Variants in MEF2C observed in about 807,000 individuals in gnomAD.
The protein encoded by MEF2C is myocyte enhancer factor 2C, also known as myocyte-specific enhancer factor 2C.
Under a neutral mutation model 50.5 loss-of-function variants are expected in MEF2C, and 6 were observed. The ratio of observed to expected loss-of-function variants is 0.12; its 90% CI spans 0.07 to 0.23. The LOEUF is 0.23. MEF2C is among the 10% of genes least tolerant of loss of function. MEF2C has a pLI of 1.00. For synonymous variants in MEF2C, 183 were observed against 228.0 expected, an observed-to-expected ratio of 0.80 and a Z score of 1.78; for missense variants, 276 against 605.0, an observed-to-expected ratio of 0.46 and a Z score of 5.70.
At chr5:88,725,676 C>A (rs1758386957) in intron 10 of MEF2C, among the ~76,000 whole-genome samples, 1 of 152,024 alleles carries the variant, frequency 6.6e-6, no homozygotes, top group African/African-American at 2.4e-5. Context: ...AAACTCCTAC[C>A]CTTTCCCATA....
At chr5:88,749,985 G>C (rs1426639747) in intron 5 of MEF2C, 1 of 163,690 alleles carries the variant, frequency 6.1e-6, no homozygotes, top group Non-Finnish European at 1.3e-5. Context: ...AGCCGAGATG[G>C]TGCCACTGCA....
chr5:88,829,419 T>G (rs567012893), intron 1 of MEF2C, among the ~76,000 whole-genome samples: 1 of 152,114 alleles, frequency 6.6e-6, no homozygotes, highest in East Asian at 1.9e-4. Context: ...ACTGTATGTT[T>G]GCTTGTCTTC....
At chr5:88,840,456 A>T (rs1022561002) in intron 1 of MEF2C, among the ~76,000 whole-genome samples, 4 of 152,212 alleles carry the variant, frequency 2.6e-5, no homozygotes, top group African/African-American at 7.2e-5. Flanking sequence ...AAATATACAT[A>T]GTCCTTGAAA....
At chr5:88,751,222 T>C (rs1035898511) in intron 5 of MEF2C, 1 of 984,826 alleles carries the variant, frequency 1.0e-6, no homozygotes, top group African/African-American at 1.7e-5. Context: ...AAATAATTTA[T>C]TTTTCTCTTG....
rs373665733 is a variant in MEF2C, at chr5:88,750,982, A to G, written c.589+875T>C. The G allele has an allele frequency of 3.3e-4, 205 of 617,458 alleles. 3 individuals carry two copies. In the South Asian group the frequency reaches 0.013, roughly 41 times the overall value. The allele number at this position is 617,458 out of a possible 1,614,324, so 38.2% of individuals were successfully genotyped here. A position where few individuals can be genotyped will look rare whatever the true frequency, so the allele number is the denominator to read the frequency against. The stretch of plus-strand genomic sequence containing the variant: ...AATATATAATGGTTTGCTGTATGTG[A>G]CTTAGAAATACAATTATTTTTGATG... On this transcript the variant is annotated intron_variant, in intron 5 of 10. Coordinates refer to ENST00000504921, the MANE Select transcript of MEF2C (RefSeq NM_002397.5).
At position 88,731,904 on chromosome 5, in the gene MEF2C, G is replaced by T. The variant is rs779322451; in HGVS notation, c.638-3C>A. On this transcript the variant is annotated splice_polypyrimidine_tract_variant and splice_region_variant and intron_variant, in intron 6 of 10. Coordinates refer to ENST00000504921, the MANE Select transcript of MEF2C (RefSeq NM_002397.5). ...TCGGGGATTGCCATACCCGTTCCCT[G>T]TTAACAAAAAACAATAAAGCATTTA... 2 of 1,603,646 alleles carry T rather than the reference G, an allele frequency of 1.2e-6. No individual in the cohort carries two copies. Among genetic ancestry groups the T allele is most frequent in the Non-Finnish European group, 1.7e-6 (2 of 1,174,214 alleles).
chr5:88,865,412 T>C (rs1209515898), intron 1 of MEF2C, among the ~76,000 whole-genome samples: 1 of 152,166 alleles, frequency 6.6e-6, no homozygotes, highest in Admixed American at 6.5e-5. Flanking sequence ...TTAAAAAGGC[T>C]TTTGAAGTGC....
At chr5:88,775,872 T>TCC in intron 3 of MEF2C, 1 of 943,338 alleles carries the variant, frequency 1.1e-6, no homozygotes, top group East Asian at 1.2e-4. Flanking sequence ...TTTATTTTTT[T>TCC]ATCTCATTTT....
intron 1 of MEF2C, among the ~76,000 whole-genome samples, chr5:88,889,993 G>T (rs896133274): frequency 1.6e-4 from 25 of 152,186 alleles, no homozygotes; most frequent in African/African-American, 5.8e-4. Flanking sequence ...GAGCAAGAGG[G>T]GCTCTGCAGG....
Position 88,722,126 on chromosome 5 carries a change from T to TC in MEF2C, c.*477_*478insG. ...AGCATTCTTGGGATGTCAGGTGACCTGGTGTGTTCCTAACATTTACCAATG... is the reference window on the plus strand; with the variant it reads ...AGCATTCTTGGGATGTCAGGTGACCTCGGTGTGTTCCTAACATTTACCAATG... On this transcript the variant is annotated 3_prime_UTR_variant, in exon 11 of 11. Transcript: ENST00000504921. The TC allele has an allele frequency of 1.3e-5, 2 of 155,220 alleles. No homozygotes were observed. Among genetic ancestry groups the TC allele is most frequent in the Admixed American group, 6.3e-5 (1 of 15,822 alleles). The allele number at this position is 155,220 out of a possible 1,614,324, so 9.6% of individuals were successfully genotyped here. A position where few individuals can be genotyped will look rare whatever the true frequency, so the allele number is the denominator to read the frequency against.
chr5:88,851,449 T>C (rs1362439439), intron 1 of MEF2C, among the ~76,000 whole-genome samples: 1 of 152,076 alleles, frequency 6.6e-6, no homozygotes, highest in Admixed American at 6.6e-5. Context: ...TGTATTTTAG[T>C]AGAAAACTTG....
Position 88,723,923 on chromosome 5 carries a change from GA to G in MEF2C, c.1101-999del, listed in dbSNP as rs377199124. Among the ~76,000 whole-genome samples, 505 of 152,168 alleles carry G rather than the reference GA, an allele frequency of 3.3e-3. 3 individuals are homozygous for G. The highest frequency in any genetic ancestry group is 0.012 in the African/African-American group (491 of 41,506). Reference sequence around the variant, plus strand: ...AATTTAGAAACTTGGAATTCTAGAGGAAAAAAGTATTAAGCCCTTAAGTGTA... The same window carrying G: ...AATTTAGAAACTTGGAATTCTAGAGGAAAAAGTATTAAGCCCTTAAGTGTA... On this transcript the variant is annotated intron_variant, in intron 10 of 10. Transcript: ENST00000504921.
chr5:88,833,925 T>C (rs1202335713), intron 1 of MEF2C, among the ~76,000 whole-genome samples: 1 of 152,202 alleles, frequency 6.6e-6, no homozygotes, highest in Non-Finnish European at 1.5e-5. Flanking sequence ...CTGTAGTTAC[T>C]TTGTTATAGT....
At chr5:88,845,977 T>C (rs1244806848) in intron 1 of MEF2C, among the ~76,000 whole-genome samples, 1 of 152,044 alleles carries the variant, frequency 6.6e-6, no homozygotes, top group Non-Finnish European at 1.5e-5. Flanking sequence ...ATCTTCTTGA[T>C]ATGTACTTTC....
intron 1 of MEF2C, among the ~76,000 whole-genome samples, chr5:88,844,205 G>A (rs1329553178): frequency 6.6e-6 from 1 of 152,116 alleles, no homozygotes; most frequent in Non-Finnish European, 1.5e-5. Context: ...TTAATCTCAG[G>A]CAAATTCGTA....
chr5:88,768,123 G>A (rs16903340), intron 3 of MEF2C, among the ~76,000 whole-genome samples: 17,873 of 152,118 alleles, frequency 0.12, 1,174 homozygotes, highest in Middle Eastern at 0.17. Context: ...CTTCATTCAG[G>A]CACTCATTTT....
At chr5:88,807,921 T>G (rs1801206055) in intron 2 of MEF2C, among the ~76,000 whole-genome samples, 2 of 152,228 alleles carry the variant, frequency 1.3e-5, no homozygotes, top group Non-Finnish European at 2.9e-5. Context: ...TGGATAATTC[T>G]TCTTTCTTGT....
chr5:88,843,586 T>C, intron 1 of MEF2C: 2 of 409,198 alleles, frequency 4.9e-6, no homozygotes. Flanking sequence ...GTGAGAGGTG[T>C]TAACTATGTA....
chr5:88,843,309 T>A (rs545225880), intron 1 of MEF2C: 2 of 983,312 alleles, frequency 2.0e-6, no homozygotes, highest in South Asian at 9.4e-5. Flanking sequence ...ACATGTTACA[T>A]CACGTAAAAT....
Sources: allele counts gnomAD v4.1 joint callset (sites outside exome capture counted in the v4.1 genomes callset), GRCh38; gene constraint gnomAD v4.1.1; transcripts MANE v1.5; gene names NCBI Gene and HGNC (gene_info 2026-07-23, HGNC 2026-07-21).